The following TOP2B variants were observed in gnomAD, a reference collection of about 807,000 sequenced individuals.
The protein encoded by TOP2B is DNA topoisomerase 2-beta.
A neutral mutation model predicts 193.5 loss-of-function variants in TOP2B; 51 were observed. The observed-to-expected ratio is 0.26, with a 90% CI of 0.21 to 0.33. TOP2B has a LOEUF of 0.33. Ranked by LOEUF, TOP2B falls within the 10% of genes least tolerant of loss-of-function variation. The pLI is 1.00. For synonymous variants in TOP2B, 634 were observed against 635.7 expected (o/e 1.00, Z 0.04); for missense variants, 1,378 against 1,909.3 (o/e 0.72, Z 5.19).
intron 1 of TOP2B, among the ~76,000 whole-genome samples, chr3:25,654,155 AAGT>A (rs1203994471): frequency 6.6e-6 from 1 of 152,210 alleles, no homozygotes; most frequent in Non-Finnish European, 1.5e-5. Flanking sequence ...ATTGGAAAAG[AAGT>A]AGAATTATGC....
intron 32 of TOP2B, among the ~76,000 whole-genome samples, chr3:25,605,679 T>C (rs575757084): frequency 1.3e-5 from 2 of 152,236 alleles, no homozygotes; most frequent in South Asian, 4.1e-4. Flanking sequence ...CTGGTGCCCT[T>C]ACAGATTTAG....
chr3:25,618,454 A>G lies in TOP2B; in HGVS notation c.3315T>C (p.Ser1105=), dbSNP rs1433871789. Reference sequence around the variant, plus strand: ...CTTCTTTCCAGGCTTTCACTGGGTCAGATTCATAACCTCTCTGGACTAACA... The same window carrying G: ...CTTCTTTCCAGGCTTTCACTGGGTCGGATTCATAACCTCTCTGGACTAACA... The part of the protein sequence containing the change: ...IQMLVQRGYE[S]DPVKAWKEAQ... The change falls in exon 25 of 36, where the codon TCT becomes TCC. Residue 1105 remains serine (S), a synonymous_variant. Coordinates refer to ENST00000264331, the MANE Select transcript of TOP2B (RefSeq NM_001330700.2). 6.2e-7 allele frequency: 1 copy of G among 1,613,162 alleles called. No homozygotes were observed. Among genetic ancestry groups the G allele is most frequent in the Admixed American group, 1.7e-5 (1 of 59,958 alleles).
At chr3:25,599,177 G>A (rs1042978994) in intron 35 of TOP2B, among the ~76,000 whole-genome samples, 2 of 152,022 alleles carry the variant, frequency 1.3e-5, no homozygotes, top group Non-Finnish European at 2.9e-5. Context: ...CTAATATTTA[G>A]GTAGCATAAC....
At chr3:25,646,512 T>C (rs1703419714) in intron 1 of TOP2B, among the ~76,000 whole-genome samples, 1 of 152,214 alleles carries the variant, frequency 6.6e-6, no homozygotes, top group African/African-American at 2.4e-5. Context: ...GAGAATATAC[T>C]TCTCTCCTTC....
At chr3:25,622,479 C>T (rs56992000) in intron 21 of TOP2B, among the ~76,000 whole-genome samples, 54,197 of 151,694 alleles carry the variant, frequency 0.36, 10,359 homozygotes, top group African/African-American at 0.5. Flanking sequence ...TCTTTGCTTA[C>T]CTATATTTTC....
At chr3:25,635,411 C>T (rs1204918180) in intron 7 of TOP2B, among the ~76,000 whole-genome samples, 5 of 152,128 alleles carry the variant, frequency 3.3e-5, no homozygotes, top group Non-Finnish European at 2.9e-5. Context: ...GATTTTGTAA[C>T]ATGTATCAGA....
intron 33 of TOP2B, among the ~76,000 whole-genome samples, chr3:25,603,707 G>A (rs1214958293): frequency 1.3e-5 from 2 of 152,220 alleles, no homozygotes; most frequent in Non-Finnish European, 2.9e-5. Flanking sequence ...AAGGCAGCCA[G>A]TAATAGGTAA....
chr3:25,609,216 T>A lies in TOP2B; in HGVS notation c.4060A>T (p.Ile1354Phe). 1 of 1,609,134 alleles carries A rather than the reference T, an allele frequency of 6.2e-7. No individual in the cohort carries two copies. Among genetic ancestry groups the A allele is most frequent in the Non-Finnish European group, 8.5e-7 (1 of 1,177,418 alleles). The change falls in exon 30 of 36, where the codon ATT (isoleucine) becomes TTT (phenylalanine). Residue 1354 changes from isoleucine (I) to phenylalanine (F), a missense_variant. Ile to Phe is a conservative substitution (Grantham distance 21). Around this residue, in one of 9 missense-constraint regions of TOP2B, gnomAD observed 556 missense variants for 584.2 expected, o/e 0.95. Transcript: ENST00000264331. ...CTCCTAAGCAAAGAATCTCTTGGAA[T>A]AACCACAGGTTCTGTTTCTTCCAAA... ...SDLEETEPVV[I>F]PRDSLLRRAA...
intron 33 of TOP2B, among the ~76,000 whole-genome samples, chr3:25,601,979 C>T (rs983975974): frequency 2.6e-5 from 4 of 152,136 alleles, no homozygotes; most frequent in African/African-American, 9.7e-5. Context: ...CCAGACTTGG[C>T]ATTTTTATGT....
intron 4 of TOP2B, among the ~76,000 whole-genome samples, chr3:25,640,215 G>A (rs1703217656): frequency 6.6e-6 from 1 of 152,082 alleles, no homozygotes; most frequent in Non-Finnish European, 1.5e-5. Context: ...ATTCACAAGA[G>A]ACAAAATGTT....
chr3:25,598,326 T>TCAA lies in TOP2B; in HGVS notation c.4859_4861dup (p.Val1620dup), dbSNP rs763082534. 3 of 1,609,308 alleles carry TCAA rather than the reference T, an allele frequency of 1.9e-6. No individual in the cohort carries two copies. The highest frequency in any genetic ancestry group is 2.5e-6 in the Non-Finnish European group (3 of 1,177,666). ...GGGCACTTAATTAAACATTGCAAAATCAACATCATCTTCTTCTTCATCAGA... is the reference window on the plus strand; with the variant it reads ...GGGCACTTAATTAAACATTGCAAAATCAACAACATCATCTTCTTCTTCATCAGA... On this transcript the variant is annotated inframe_insertion, in exon 36 of 36. Transcript: ENST00000264331.
At chr3:25,650,152 G>A (rs1184383204) in intron 1 of TOP2B, among the ~76,000 whole-genome samples, 1 of 152,190 alleles carries the variant, frequency 6.6e-6, no homozygotes, top group East Asian at 1.9e-4. Flanking sequence ...AATTGCTCTT[G>A]TTTGATGAAA....
intron 33 of TOP2B, 31 bp downstream of exon 33, chr3:25,604,729 A>G (rs1216536840): frequency 4.7e-6 from 7 of 1,487,718 alleles, no homozygotes; most frequent in Non-Finnish European, 6.5e-6. Context: ...TCTCTATCCA[A>G]TGCTTAACTC....
chr3:25,623,261 AG>A (rs1702709800), intron 21 of TOP2B, among the ~76,000 whole-genome samples: 1 of 152,178 alleles, frequency 6.6e-6, no homozygotes, highest in Non-Finnish European at 1.5e-5. Context: ...TAGGGTTTAG[AG>A]GTTTGAAAAC....
At chr3:25,626,964 G>C in intron 16 of TOP2B, 100 bp from the exon 17 acceptor site, 1 of 754,756 alleles carries the variant, frequency 1.3e-6, no homozygotes, top group Non-Finnish European at 2.1e-6. Context: ...CTTAATTTCT[G>C]GAAAATTAGG....
chr3:25,664,597 G>T lies in TOP2B; in HGVS notation c.-300C>A. 9.9e-7 allele frequency: 1 copy of T among 1,007,474 alleles called. No individual in the cohort carries two copies. The highest frequency in any genetic ancestry group is 1.2e-6 in the Non-Finnish European group (1 of 845,208). The allele number at this position is 1,007,474 out of a possible 1,614,324, so 62.4% of individuals were successfully genotyped here. A position where few individuals can be genotyped will look rare whatever the true frequency, so the allele number is the denominator to read the frequency against. ...GGCCGAGCGGCGGCGTTGCCTTCTC[G>T]CCCGCCCGCGGGCGCCGCTGCAGGC... is the stretch of plus-strand genomic sequence containing the variant. On this transcript the variant is annotated 5_prime_UTR_variant, in exon 1 of 36. Transcript: ENST00000264331.
intron 33 of TOP2B, among the ~76,000 whole-genome samples, chr3:25,602,396 C>CA (rs368021384): frequency 0.01 from 410 of 40,696 alleles, 3 homozygotes; most frequent in South Asian, 0.033. Flanking sequence ...GACTCTGTCT[C>CA]AAAAAAAAAA....
intron 8 of TOP2B, among the ~76,000 whole-genome samples, chr3:25,633,039 C>T (rs1301375010): frequency 6.6e-6 from 1 of 152,038 alleles, no homozygotes; most frequent in Non-Finnish European, 1.5e-5. Context: ...GCTTTCAACA[C>T]CAGCAACCAA....
intron 11 of TOP2B, 25 bp downstream of exon 11, chr3:25,630,776 T>C (rs1176594147): frequency 3.3e-6 from 5 of 1,502,848 alleles, no homozygotes; most frequent in Non-Finnish European, 4.4e-6. Context: ...TAAATCAAAA[T>C]CTTATTTAAA....
Sources: gnomAD v4.1 joint callset for allele counts (sites outside exome capture counted in the v4.1 genomes callset) on GRCh38, gnomAD v4.1.1 for gene constraint, gnomAD v4.1.1 regional missense constraint, MANE v1.5 for transcripts, NCBI Gene and HGNC (gene_info 2026-07-23, HGNC 2026-07-21) for gene names.